Variants in PTPRA observed in about 807,000 individuals in gnomAD.
PTPRA encodes the protein protein tyrosine phosphatase receptor type A.
Under a neutral mutation model 104.8 loss-of-function variants are expected in PTPRA, and 25 were observed. The ratio of observed to expected loss-of-function variants is 0.24; its 90% CI spans 0.17 to 0.33. The LOEUF is 0.33. Among genes scored for constraint, PTPRA ranks in the 10% least tolerant of loss-of-function variants. The probability of loss-of-function intolerance (pLI) is 1.00; values close to 1 mark genes in which losing one functional copy is unlikely to be tolerated. For missense variants in PTPRA, 765 were observed against 1,015.3 expected (o/e 0.75, Z 3.35); for synonymous variants, 323 against 368.9 (o/e 0.88, Z 1.43).
intron 1 of PTPRA, among the ~76,000 whole-genome samples, chr20:2,895,025 G>C (rs2058944884): frequency 6.7e-6 from 1 of 148,178 alleles, no homozygotes; most frequent in South Asian, 2.1e-4. Flanking sequence ...CTTTCTCTTT[G>C]AAACTGAATT....
intron 12 of PTPRA, among the ~76,000 whole-genome samples, chr20:3,017,107 C>G (rs2064502439): frequency 6.6e-6 from 1 of 152,114 alleles, no homozygotes; most frequent in Admixed American, 6.5e-5. Context: ...ATTTTCCTCC[C>G]AAACTCTTTA....
rs879725577 is a variant in PTPRA at position 2,950,642 on chromosome 20, CA to C, written c.-7+2632del. 1.8e-3 allele frequency among the ~76,000 whole-genome samples: 237 copies of C among 134,856 alleles called. No individual in the cohort carries two copies. Among genetic ancestry groups the C allele is most frequent in the Admixed American group, 2.6e-3 (35 of 13,378 alleles). The allele number at this position is 134,856 out of a possible 152,430, so 88.5% of individuals were successfully genotyped here. On this transcript the variant is annotated intron_variant, in intron 3 of 23. Transcript: ENST00000399903. The surrounding 1 kb of genome is among the most constrained non-coding windows in gnomAD (Gnocchi z 4.0). Reference sequence around the variant, plus strand: ...TGGGCGACAGAGCGAGACTCCATCTCAAAAAAAAAAAAAATTTACTTGTGTC... The same window carrying C: ...TGGGCGACAGAGCGAGACTCCATCTCAAAAAAAAAAAAATTTACTTGTGTC...
intron 1 of PTPRA, among the ~76,000 whole-genome samples, chr20:2,920,569 A>T (rs915226165): frequency 2.6e-5 from 4 of 152,092 alleles, no homozygotes; most frequent in African/African-American, 9.7e-5. Context: ...ACCAACATTT[A>T]AGGGATAGTT....
intron 9 of PTPRA, among the ~76,000 whole-genome samples, chr20:3,001,067 C>G (rs1409444597): frequency 6.6e-6 from 1 of 152,136 alleles, no homozygotes; most frequent in South Asian, 2.1e-4. Flanking sequence ...CCAGTTAAGG[C>G]TTAAACAAGA....
At chr20:3,010,447 T>A (rs1411798832) in intron 11 of PTPRA, among the ~76,000 whole-genome samples, 1 of 151,532 alleles carries the variant, frequency 6.6e-6, no homozygotes, top group South Asian at 2.1e-4. Context: ...GCTAACACGG[T>A]GAAACCCCGT....
chr20:2,909,321 C>T (rs986344507), intron 1 of PTPRA, among the ~76,000 whole-genome samples: 8 of 151,896 alleles, frequency 5.3e-5, no homozygotes, highest in Admixed American at 1.3e-4. Context: ...AGGCCTGGTG[C>T]GGTGGCTCAT....
At chr20:2,884,729 T>C (rs1264604197) in intron 1 of PTPRA, among the ~76,000 whole-genome samples, 4 of 152,186 alleles carry the variant, frequency 2.6e-5, no homozygotes, top group Admixed American at 2.0e-4. Context: ...TTCAGCTGTT[T>C]GCGTGGACAT....
rs752373377 is a variant in PTPRA at position 3,035,966 on chromosome 20, G to T, written c.2198+25G>T. ...GGTATGGCTCACCCTTGCCCTCAGC[G>T]GGAGAGAGAAAGCGAGGAGGGGCAG... is the stretch of plus-strand genomic sequence containing the variant. On this transcript the variant is annotated intron_variant, in intron 22 of 23. Transcript: ENST00000399903. The surrounding 1 kb of genome is among the most constrained non-coding windows in gnomAD (Gnocchi z 5.8). 3 of 1,612,484 alleles carry T rather than the reference G, an allele frequency of 1.9e-6. No individual in the cohort carries two copies. The Admixed American group carries it at 5.0e-5, about 27-fold the overall frequency.
chr20:2,939,823 A>C (rs1428200276), intron 2 of PTPRA, among the ~76,000 whole-genome samples: 1 of 151,992 alleles, frequency 6.6e-6, no homozygotes, highest in Admixed American at 6.6e-5. Context: ...ATCGGTGGGA[A>C]GGGCTGGGCG....
chr20:2,988,252 T>C lies in PTPRA; in HGVS notation c.602-86T>C, dbSNP rs112144771. The C allele has an allele frequency of 1.5e-4, 236 of 1,548,210 alleles. 1 individual carries two copies. In the African/African-American group the frequency reaches 2.7e-3, roughly 18 times the overall value. On this transcript the variant is annotated intron_variant, in intron 8 of 23. Coordinates refer to ENST00000399903, the MANE Select transcript of PTPRA (RefSeq NM_001385305.1). ...ACAGTCCTAGTTCTTACAGGCTTGG[T>C]CCATGAGGTAGAACCCCGTTTAGCC...
chr20:3,008,979 A>G (rs2064019608), intron 11 of PTPRA, among the ~76,000 whole-genome samples: 1 of 152,132 alleles, frequency 6.6e-6, no homozygotes, highest in South Asian at 2.1e-4. Context: ...AGAAAAAAAA[A>G]GGACACTGAT....
At chr20:3,030,763 G>A (rs577805320) in intron 20 of PTPRA, among the ~76,000 whole-genome samples, 7 of 128,280 alleles carry the variant, frequency 5.5e-5, no homozygotes, top group African/African-American at 1.8e-4. Flanking sequence ...TCAGCTCGCT[G>A]CAACCTCCAC....
chr20:2,971,068 C>T (rs2062165255), intron 5 of PTPRA, among the ~76,000 whole-genome samples: 2 of 152,210 alleles, frequency 1.3e-5, no homozygotes, highest in Admixed American at 1.3e-4. Flanking sequence ...TGCAAAGCCT[C>T]ACTGTCTCAA....
intron 2 of PTPRA, among the ~76,000 whole-genome samples, chr20:2,936,687 G>C (rs1440421444): frequency 6.6e-6 from 1 of 152,140 alleles, no homozygotes; most frequent in Non-Finnish European, 1.5e-5. Context: ...TGCCCAGGCT[G>C]GTCTCGAAGT....
At chr20:3,013,765 C>G (rs989591337) in intron 11 of PTPRA, among the ~76,000 whole-genome samples, 2 of 152,104 alleles carry the variant, frequency 1.3e-5, no homozygotes, top group African/African-American at 4.8e-5. Context: ...AATGTAGCTA[C>G]CACCTAGAGC....
chr20:3,002,062 C>T (rs757904061), intron 9 of PTPRA, among the ~76,000 whole-genome samples: 8 of 152,098 alleles, frequency 5.3e-5, no homozygotes, highest in Non-Finnish European at 1.0e-4. Flanking sequence ...ATACCTCCAG[C>T]CCAGGAGTTC....
chr20:2,982,527 A>G (rs1279186237), intron 6 of PTPRA, among the ~76,000 whole-genome samples: 1 of 152,142 alleles, frequency 6.6e-6, no homozygotes, highest in Non-Finnish European at 1.5e-5. Flanking sequence ...TTTTAGGTGT[A>G]CAGTGAGAAT....
At chr20:2,984,807 G>T (rs1007823107) in intron 6 of PTPRA, among the ~76,000 whole-genome samples, 1 of 152,118 alleles carries the variant, frequency 6.6e-6, no homozygotes, top group Non-Finnish European at 1.5e-5. Flanking sequence ...TGTTCCCAGT[G>T]TCTAGAAAGC....
chr20:3,028,897 G>A (rs150860246), intron 20 of PTPRA, among the ~76,000 whole-genome samples: 1 of 152,158 alleles, frequency 6.6e-6, no homozygotes, highest in East Asian at 1.9e-4. Context: ...GCCTGGACTC[G>A]GGTGGTGAGA....
Sources: gnomAD v4.1 joint callset for allele counts (sites outside exome capture counted in the v4.1 genomes callset) on GRCh38, gnomAD v4.1.1 for gene constraint, Gnocchi (gnomAD v3.1) non-coding constraint, MANE v1.5 for transcripts, NCBI Gene and HGNC (gene_info 2026-07-23, HGNC 2026-07-21) for gene names.